The following CLEC16A variants were observed in gnomAD, a reference collection of about 807,000 sequenced individuals.
CLEC16A encodes protein CLEC16A.
A neutral mutation model predicts 109.5 loss-of-function variants in CLEC16A; 51 were observed. The observed-to-expected ratio is 0.47, with a 90% CI of 0.37 to 0.59. CLEC16A has a LOEUF of 0.59. Among genes scored for constraint, CLEC16A ranks in the 20% least tolerant of loss-of-function variants. The pLI, the probability that CLEC16A is intolerant of heterozygous loss-of-function variation, is 0.00. For missense variants in CLEC16A, 1,339 were observed against 1,394.0 expected (o/e 0.96, Z 0.63); for synonymous variants, 673 against 564.2 (o/e 1.19, Z -2.73).
rs1453760023 is a variant in CLEC16A, at chr16:10,961,249, C to G, written c.210-1206C>G. Among the ~76,000 whole-genome samples, 1 of 152,126 alleles carries G rather than the reference C, an allele frequency of 6.6e-6. No individual in the cohort carries two copies. The highest frequency in any genetic ancestry group is 1.9e-4 in the East Asian group (1 of 5,202). On this transcript the variant is annotated intron_variant, in intron 2 of 23. Coordinates refer to ENST00000409790, the MANE Select transcript of CLEC16A (RefSeq NM_015226.3). The surrounding 1 kb of genome is among the most constrained non-coding windows in gnomAD (Gnocchi z 4.3). ...ATGGCATTTACAGGCAGATGGGCCTCCGAGTTGGAGAAGATTGTAAGGGTC... is the reference window on the plus strand; with the variant it reads ...ATGGCATTTACAGGCAGATGGGCCTGCGAGTTGGAGAAGATTGTAAGGGTC...
intron 4 of CLEC16A, 53 bp from the exon 5 acceptor site, chr16:10,971,072 C>A: frequency 9.2e-7 from 1 of 1,091,570 alleles, no homozygotes; most frequent in Non-Finnish European, 1.4e-6. Flanking sequence ...TGGGGTGGGG[C>A]CAGGCCTGGC....
chr16:11,117,890 A>G (rs554780542), intron 19 of CLEC16A, among the ~76,000 whole-genome samples: 31 of 152,348 alleles, frequency 2.0e-4, no homozygotes, highest in African/African-American at 6.5e-4. Flanking sequence ...CCATAGATCT[A>G]ATGGTCCTAT....
At chr16:11,142,732 T>A (rs1393397280) in intron 22 of CLEC16A, among the ~76,000 whole-genome samples, 1 of 152,208 alleles carries the variant, frequency 6.6e-6, no homozygotes, top group African/African-American at 2.4e-5. Context: ...TTCTTTAGCT[T>A]ATTGTCTTCA....
chr16:11,067,449 G>C (rs1327532794), intron 19 of CLEC16A, among the ~76,000 whole-genome samples: 2 of 152,062 alleles, frequency 1.3e-5, no homozygotes, highest in African/African-American at 4.8e-5. Flanking sequence ...TGGCGCAGAA[G>C]AAGCAAAGGC....
chr16:11,043,231 C>T (rs541884350), intron 15 of CLEC16A, among the ~76,000 whole-genome samples: 1 of 152,056 alleles, frequency 6.6e-6, no homozygotes, highest in South Asian at 2.1e-4. Flanking sequence ...CTAGTCTGGA[C>T]AACATAGTGA....
intron 19 of CLEC16A, among the ~76,000 whole-genome samples, chr16:11,103,145 T>C (rs1277864086): frequency 6.6e-6 from 1 of 152,040 alleles, no homozygotes; most frequent in Non-Finnish European, 1.5e-5. Context: ...TGGTGGAAAA[T>C]GGGAGGCTAG....
intron 22 of CLEC16A, among the ~76,000 whole-genome samples, chr16:11,130,004 C>T (rs1041611693): frequency 2.0e-5 from 3 of 152,102 alleles, no homozygotes; most frequent in South Asian, 2.1e-4. Flanking sequence ...CATTGTGATC[C>T]GCCTGTCTCG....
At chr16:11,122,106 G>A (rs2052461933) in intron 20 of CLEC16A, among the ~76,000 whole-genome samples, 1 of 10,644 alleles carries the variant, frequency 9.4e-5, no homozygotes, top group South Asian at 7.4e-3. Context: ...TTTCTGGAAG[G>A]GCCTTGGCTC....
chr16:11,053,973 A>G (rs2048080056), intron 18 of CLEC16A, among the ~76,000 whole-genome samples: 1 of 152,268 alleles, frequency 6.6e-6, no homozygotes, highest in East Asian at 1.9e-4. Context: ...AGGTCAGGTC[A>G]CTAATCCCAC....
chr16:11,162,153 T>C (rs533881837), intron 22 of CLEC16A, among the ~76,000 whole-genome samples: 132 of 152,366 alleles, frequency 8.7e-4, no homozygotes, highest in African/African-American at 3.0e-3. Flanking sequence ...TAGTTCATCT[T>C]CCCAAAATAA....
At chr16:11,123,682 T>A (rs1270033701) in intron 20 of CLEC16A, 60 bp from the exon 21 acceptor site, 2 of 1,540,864 alleles carry the variant, frequency 1.3e-6, no homozygotes, top group Non-Finnish European at 1.8e-6. Context: ...ATGCCACAGC[T>A]CCTAGCCACC....
intron 22 of CLEC16A, among the ~76,000 whole-genome samples, chr16:11,139,137 G>A (rs2053706716): frequency 6.6e-6 from 1 of 152,188 alleles, no homozygotes; most frequent in South Asian, 2.1e-4. Context: ...TGTCTTGTGG[G>A]TCTTGTTCTG....
intron 23 of CLEC16A, among the ~76,000 whole-genome samples, chr16:11,172,363 A>G (rs1188900822): frequency 6.6e-6 from 1 of 152,202 alleles, no homozygotes; most frequent in African/African-American, 2.4e-5. Flanking sequence ...TGCCGATAGG[A>G]AAACCATCTC....
At chr16:11,037,027 G>A (rs1324523114) in intron 13 of CLEC16A, among the ~76,000 whole-genome samples, 4 of 152,204 alleles carry the variant, frequency 2.6e-5, no homozygotes, top group Non-Finnish European at 5.9e-5. Flanking sequence ...GACAGCAGTC[G>A]TGGGGCGGGT....
intron 11 of CLEC16A, among the ~76,000 whole-genome samples, chr16:11,007,636 C>T (rs1239339941): frequency 6.6e-6 from 1 of 152,180 alleles, no homozygotes; most frequent in Non-Finnish European, 1.5e-5. Context: ...GAACCCTGGC[C>T]AAGGTGGAGG....
At chr16:10,971,008 AT>A (rs35498388) in intron 4 of CLEC16A, 116 bp from the exon 5 acceptor site, 178,364 of 500,522 alleles carry the variant, frequency 0.36, 9,886 homozygotes, top group African/African-American at 0.5. Flanking sequence ...CATTGGCAAC[AT>A]TTTTTTTTTT....
chr16:11,010,124 C>G (rs1288013057), intron 11 of CLEC16A, among the ~76,000 whole-genome samples: 5 of 146,658 alleles, frequency 3.4e-5, no homozygotes, highest in Admixed American at 2.0e-4. Context: ...CACACTCCAG[C>G]CGGGGTGACA....
At chr16:11,078,916 A>G (rs148394179) in intron 19 of CLEC16A, among the ~76,000 whole-genome samples, 2 of 152,266 alleles carry the variant, frequency 1.3e-5, no homozygotes, top group East Asian at 3.9e-4. Context: ...GCATCCGTGT[A>G]GTTGAGTTTG....
chr16:11,033,910 C>A (rs185291453), intron 13 of CLEC16A, among the ~76,000 whole-genome samples: 546 of 152,284 alleles, frequency 3.6e-3, no homozygotes, highest in South Asian at 0.024. Context: ...CTATCAAGTC[C>A]GCTGAGTCCT....
Sources: gnomAD v4.1 joint callset for allele counts (sites outside exome capture counted in the v4.1 genomes callset) on GRCh38, gnomAD v4.1.1 for gene constraint, Gnocchi (gnomAD v3.1) non-coding constraint, MANE v1.5 for transcripts, NCBI Gene and HGNC (gene_info 2026-07-23, HGNC 2026-07-21) for gene names.